GLRA2: variants seen among roughly 807,000 people sequenced by gnomAD.
GLRA2 encodes the protein glycine receptor alpha 2.
GLRA2 carries 11 observed loss-of-function variants against 31.6 expected under a neutral mutation model. That is an observed-to-expected ratio of 0.35 (90% confidence interval 0.22 to 0.58). The LOEUF (loss-of-function observed/expected upper bound fraction) is 0.58, where lower values mean the gene tolerates loss of function less well. Among genes scored for constraint, GLRA2 ranks in the 20% least tolerant of loss-of-function variants. The probability of loss-of-function intolerance (pLI) is 0.84; values close to 1 mark genes in which losing one functional copy is unlikely to be tolerated. For missense variants in GLRA2, 212 were observed against 351.8 expected, an observed-to-expected ratio of 0.60 and a Z score of 3.18; for synonymous variants, 132 against 134.0, an observed-to-expected ratio of 0.99 and a Z score of 0.10.
At chrX:14,694,301 A>G (rs1001103737) in intron 8 of GLRA2, among the ~76,000 whole-genome samples, 1 of 111,761 alleles carries the variant, frequency 8.9e-6, no homozygotes, top group Non-Finnish European at 1.9e-5. Context: ...TGTCATCATT[A>G]GACTACTCAC....
chrX:14,535,499 T>C lies in GLRA2; in HGVS notation c.202+3127T>C, dbSNP rs2089311117. Among the ~76,000 whole-genome samples the C allele has an allele frequency of 2.7e-5, 3 of 112,048 alleles. No individual in the cohort carries two copies. The South Asian group carries it at 1.1e-3, about 41-fold the overall frequency. On this transcript the variant is annotated intron_variant, in intron 2 of 8. Coordinates refer to ENST00000218075, the MANE Select transcript of GLRA2 (RefSeq NM_002063.4). ...ATTCTTAGAAACTACAGGGAAAAAA[T>C]AGCTTTTCTGATGTGTTGAAGCACA... is the stretch of plus-strand genomic sequence containing the variant.
Position 14,532,432 on chromosome X carries a change from T to G in GLRA2, c.202+60T>G. 2.7e-6 allele frequency: 2 copies of G among 735,245 alleles called. 1 individual carries two copies. The highest frequency in any genetic ancestry group is 8.1e-5 in the South Asian group (2 of 24,579). The allele number at this position is 735,245 out of a possible 1,213,427, so 60.6% of individuals were successfully genotyped here. A position where few individuals can be genotyped will look rare whatever the true frequency, so the allele number is the denominator to read the frequency against. On this transcript the variant is annotated intron_variant, in intron 2 of 8. Coordinates refer to ENST00000218075, the MANE Select transcript of GLRA2 (RefSeq NM_002063.4). ...GAAATCTTCTAGATGTTTGAATAGT[T>G]AACTGAAAAACATTTTCAGGGCTTT...
At chrX:14,642,879 T>C (rs1270554898) in intron 7 of GLRA2, among the ~76,000 whole-genome samples, 4 of 111,250 alleles carry the variant, frequency 3.6e-5, no homozygotes. Context: ...TGATAAGATA[T>C]CATGTCCATG....
intron 7 of GLRA2, among the ~76,000 whole-genome samples, chrX:14,626,484 C>G (rs62586495): frequency 1.8e-5 from 2 of 110,888 alleles, no homozygotes; most frequent in Non-Finnish European, 3.8e-5. Context: ...ATTAGGAATA[C>G]TTTATAATGG....
At chrX:14,525,179 A>G (rs1319656740), upstream of GLRA2, among the ~76,000 whole-genome samples, 1 of 111,522 alleles carries the variant, frequency 9.0e-6, no homozygotes, top group East Asian at 2.8e-4. Context: ...CATGATATAG[A>G]CCAAATATTG....
intron 4 of GLRA2, among the ~76,000 whole-genome samples, chrX:14,589,427 A>C (rs1480642857): frequency 9.4e-6 from 1 of 105,957 alleles, no homozygotes; most frequent in Non-Finnish European, 1.9e-5. Flanking sequence ...TGGGAGGCCG[A>C]GATGGGTGGA....
At chrX:14,527,028 A>G (rs1010225483), upstream of GLRA2, among the ~76,000 whole-genome samples, 5 of 111,250 alleles carry the variant, frequency 4.5e-5, no homozygotes, top group Non-Finnish European at 9.4e-5. Flanking sequence ...GGCCAATGAC[A>G]TTAGGTACCA....
chrX:14,634,630 C>T, intron 7 of GLRA2, among the ~76,000 whole-genome samples: 1 of 111,362 alleles, frequency 9.0e-6, no homozygotes, highest in Non-Finnish European at 1.9e-5. Context: ...AGATAGAACC[C>T]AGCAGCAGAG....
chrX:14,661,501 A>G (rs2090990050), intron 7 of GLRA2, among the ~76,000 whole-genome samples: 1 of 112,139 alleles, frequency 8.9e-6, no homozygotes, highest in South Asian at 3.7e-4. Flanking sequence ...AGAAAAAAAA[A>G]TGTATAGCTG....
intron 7 of GLRA2, among the ~76,000 whole-genome samples, chrX:14,615,658 T>C (rs1323016515): frequency 9.1e-6 from 1 of 110,101 alleles, no homozygotes; most frequent in Non-Finnish European, 1.9e-5. Flanking sequence ...GTAGGTGAAG[T>C]AGGAGGAGGT....
At chrX:14,499,441 A>T in the GLRA2 span, among the ~76,000 whole-genome samples, 3 of 111,083 alleles carry the variant, frequency 2.7e-5, no homozygotes, top group Non-Finnish European at 5.7e-5. Flanking sequence ...ATTTCTTAAA[A>T]TACCTTGGAA....
At chrX:14,449,909 T>C in the GLRA2 span, among the ~76,000 whole-genome samples, 1 of 112,022 alleles carries the variant, frequency 8.9e-6, no homozygotes, top group Non-Finnish European at 1.9e-5. Context: ...GCTCATGTGC[T>C]GGCACAGGAG....
chrX:14,716,254 C>A (rs2091783368), intron 8 of GLRA2, among the ~76,000 whole-genome samples: 1 of 111,174 alleles, frequency 9.0e-6, no homozygotes, highest in African/African-American at 3.3e-5. Flanking sequence ...AGAAAATGGC[C>A]AAATGTCCTA....
At chrX:14,713,782 A>G (rs1247653971) in intron 8 of GLRA2, among the ~76,000 whole-genome samples, 2 of 111,682 alleles carry the variant, frequency 1.8e-5, no homozygotes, top group Non-Finnish European at 3.8e-5. Flanking sequence ...GAGGGAGAAC[A>G]GCAGGAGTTA....
At chrX:14,690,360 G>A (rs2091331678) in intron 7 of GLRA2, among the ~76,000 whole-genome samples, 1 of 111,418 alleles carries the variant, frequency 9.0e-6, no homozygotes, top group African/African-American at 3.3e-5. Flanking sequence ...ACACATCATG[G>A]AATGTCTAAA....
chrX:14,690,583 G>C, intron 7 of GLRA2, 127 bp from the exon 8 acceptor site: 1 of 469,696 alleles, frequency 2.1e-6, no homozygotes, highest in South Asian at 3.6e-5. Flanking sequence ...GAAAATCATT[G>C]ACCAAGGAAA....
intron 8 of GLRA2, among the ~76,000 whole-genome samples, chrX:14,703,371 A>G (rs776613460): frequency 1.1e-4 from 12 of 111,617 alleles, no homozygotes; most frequent in Non-Finnish European, 2.3e-4. Context: ...GTTCAAAGCC[A>G]TAACATTGCA....
the GLRA2 span, among the ~76,000 whole-genome samples, chrX:14,505,900 C>CCT: frequency 2.7e-5 from 3 of 111,416 alleles, no homozygotes; most frequent in African/African-American, 9.8e-5. Context: ...CTCTGAAAAA[C>CCT]ACAGTTTTAA....
intron 7 of GLRA2, among the ~76,000 whole-genome samples, chrX:14,689,523 G>A (rs941740063): frequency 1.8e-5 from 2 of 112,041 alleles, no homozygotes; most frequent in Non-Finnish European, 3.8e-5. Flanking sequence ...GTCAGACTGA[G>A]TTCCAATTCC....
Sources: gnomAD v4.1 joint callset for allele counts (sites outside exome capture counted in the v4.1 genomes callset) on GRCh38, gnomAD v4.1.1 for gene constraint, MANE v1.5 for transcripts, NCBI Gene and HGNC (gene_info 2026-07-23, HGNC 2026-07-21) for gene names.